Variants in PPARD observed in about 807,000 individuals in gnomAD.
PPARD encodes the protein peroxisome proliferator-activated receptor delta.
Under a neutral mutation model 39.5 loss-of-function variants are expected in PPARD, and 6 were observed. That is an observed-to-expected ratio of 0.15 (90% CI 0.08 to 0.30). The LOEUF (loss-of-function observed/expected upper bound fraction) is 0.30, where lower values mean the gene tolerates loss of function less well. Ranked by LOEUF, PPARD falls within the 10% of genes least tolerant of loss-of-function variation. The pLI is 1.00. For synonymous variants in PPARD, 210 were observed against 231.3 expected (o/e 0.91, Z 0.83); for missense variants, 397 against 596.8 (o/e 0.67, Z 3.49).
At chr6:35,410,421 T>G (rs958424152) in intron 2 of PPARD, among the ~76,000 whole-genome samples, 9 of 152,204 alleles carry the variant, frequency 5.9e-5, no homozygotes, top group African/African-American at 2.2e-4. Flanking sequence ...TTCTGATGTC[T>G]CTGCTATTGA....
chr6:35,373,585 T>C (rs748536073), intron 2 of PPARD, among the ~76,000 whole-genome samples: 1 of 152,176 alleles, frequency 6.6e-6, no homozygotes, highest in Non-Finnish European at 1.5e-5. Context: ...TGTTGGTACG[T>C]CTCTTGTGGG....
rs922660800 is a variant in PPARD, at chr6:35,401,044, C to T, written c.-101-9943C>T. Among the ~76,000 whole-genome samples the T allele has an allele frequency of 3.9e-5, 6 of 152,140 alleles. No individual in the cohort carries two copies. Among genetic ancestry groups the T allele is most frequent in the African/African-American group, 1.4e-4 (6 of 41,430 alleles). ...GATACCTGTGTTTGTATGTGTGTGTCATAGTCGGGAATCACTGAGACCAGG... is the reference window on the plus strand; with the variant it reads ...GATACCTGTGTTTGTATGTGTGTGTTATAGTCGGGAATCACTGAGACCAGG... On this transcript the variant is annotated intron_variant, in intron 2 of 7. Transcript: ENST00000360694. The surrounding 1 kb of genome is among the most constrained non-coding windows in gnomAD (Gnocchi z 4.1).
At chr6:35,370,912 T>C (rs979211734) in intron 2 of PPARD, among the ~76,000 whole-genome samples, 1 of 152,176 alleles carries the variant, frequency 6.6e-6, no homozygotes, top group Admixed American at 6.5e-5. Flanking sequence ...ATTCACCTTC[T>C]CCAGCAGCTG....
rs1023046306 is a variant in PPARD at position 35,359,164 on chromosome 6, T to C, written c.-102+12014T>C. On this transcript the variant is annotated intron_variant, in intron 2 of 7. Coordinates refer to ENST00000360694, the MANE Select transcript of PPARD (RefSeq NM_006238.5). The stretch of plus-strand genomic sequence containing the variant: ...TCAACGCATAGCGAGGAGGCCAGCG[T>C]GGCTGGACAGAGGGAGGGAGGAGAC... Among the ~76,000 whole-genome samples the C allele has an allele frequency of 3.9e-5, 6 of 152,314 alleles. No individual in the cohort carries two copies. The South Asian group carries it at 1.2e-3, about 32-fold the overall frequency.
At chr6:35,379,953 T>C (rs1049465747) in intron 2 of PPARD, among the ~76,000 whole-genome samples, 1 of 152,264 alleles carries the variant, frequency 6.6e-6, no homozygotes, top group African/African-American at 2.4e-5. Context: ...CAGTTGCTGC[T>C]TTTGAGGTAT....
chr6:35,389,430 G>A (rs1684219615), intron 2 of PPARD, among the ~76,000 whole-genome samples: 1 of 152,124 alleles, frequency 6.6e-6, no homozygotes, highest in Non-Finnish European at 1.5e-5. Flanking sequence ...TCCTGCCTCA[G>A]CCTCTCGAGT....
At position 35,365,084 on chromosome 6, in the gene PPARD, A is replaced by G. The variant is rs369355762; in HGVS notation, c.-102+17934A>G. On this transcript the variant is annotated intron_variant, in intron 2 of 7. Coordinates refer to ENST00000360694, the MANE Select transcript of PPARD (RefSeq NM_006238.5). ...TGGTCTGCACCTTGCTTCACTTATT[A>G]TATCTTGGCCATCTTTGCATACCAG... Among the ~76,000 whole-genome samples the G allele has an allele frequency of 4.0e-4, 58 of 145,196 alleles. 1 individual carries two copies. Among genetic ancestry groups the G allele is most frequent in the African/African-American group, 1.4e-3 (56 of 38,730 alleles).
At chr6:35,350,908 T>A (rs11966486) in intron 2 of PPARD, among the ~76,000 whole-genome samples, 1,946 of 152,318 alleles carry the variant, frequency 0.013, 53 homozygotes, top group African/African-American at 0.044. Flanking sequence ...ATTACAGGCA[T>A]GAGCCACCGC....
chr6:35,347,353 T>G (rs1760925197), intron 2 of PPARD, among the ~76,000 whole-genome samples: 1 of 152,100 alleles, frequency 6.6e-6, no homozygotes, highest in Non-Finnish European at 1.5e-5. Context: ...CTTACATAGT[T>G]TTTTCAGGAG....
intron 2 of PPARD, among the ~76,000 whole-genome samples, chr6:35,391,804 G>A (rs554482441): frequency 6.6e-6 from 1 of 152,264 alleles, no homozygotes; most frequent in East Asian, 1.9e-4. Context: ...GAGACTGTAC[G>A]TATAAGGAAA....
At position 35,426,833 on chromosome 6, in the gene PPARD, G is replaced by A. The variant is rs9658172; in HGVS notation, c.*754G>A. 9.5e-3 allele frequency: 1,453 copies of A among 152,672 alleles called. 10 individuals carry two copies. The highest frequency in any genetic ancestry group is 0.014 in the Non-Finnish European group (923 of 68,280). The allele number at this position is 152,672 out of a possible 1,614,324, so 9.5% of individuals were successfully genotyped here. ...CACCTCAGCCCCACTGACACCCAGT[G>A]TCCTTCCATCTTCACACTGGTTTGC... On this transcript the variant is annotated 3_prime_UTR_variant, in exon 8 of 8. Transcript: ENST00000360694.
At chr6:35,391,852 A>G (rs766108900) in intron 2 of PPARD, among the ~76,000 whole-genome samples, 5 of 151,976 alleles carry the variant, frequency 3.3e-5, no homozygotes, top group African/African-American at 4.8e-5. Context: ...GCCCAAAGCT[A>G]CTCAGCTAGT....
intron 1 of PPARD, among the ~76,000 whole-genome samples, chr6:35,343,648 G>T (rs912900501): frequency 6.6e-6 from 1 of 152,236 alleles, no homozygotes. Flanking sequence ...TGTCCAATTT[G>T]TAGGCCATTC....
intron 2 of PPARD, among the ~76,000 whole-genome samples, chr6:35,410,077 G>A (rs533370982): frequency 1.3e-5 from 2 of 152,312 alleles, no homozygotes; most frequent in South Asian, 2.1e-4. Flanking sequence ...ACTAGAGGAC[G>A]AATGGGTTTG....
intron 1 of PPARD, among the ~76,000 whole-genome samples, chr6:35,344,964 A>G (rs899508182): frequency 1.3e-5 from 2 of 152,190 alleles, no homozygotes; most frequent in African/African-American, 2.4e-5. Flanking sequence ...TTAGTGGATC[A>G]TTCTAAAGAG....
intron 2 of PPARD, among the ~76,000 whole-genome samples, chr6:35,350,037 C>T (rs1429253625): frequency 6.6e-6 from 1 of 152,174 alleles, no homozygotes; most frequent in Non-Finnish European, 1.5e-5. Flanking sequence ...CTACCACACC[C>T]GGCCTTGTAT....
chr6:35,355,517 A>C (rs1391776532), intron 2 of PPARD, among the ~76,000 whole-genome samples: 1 of 127,650 alleles, frequency 7.8e-6, no homozygotes, highest in Non-Finnish European at 1.6e-5. Context: ...GTACCACTGT[A>C]CTCCAGCCTG....
Position 35,421,976 on chromosome 6 carries a change from C to T in PPARD, c.424+18C>T. ...ACACAACGGTGAGAGCTGACCAGGG[C>T]AACTCACGGGCTGCTGGCTCCACAC... On this transcript the variant is annotated intron_variant, in intron 5 of 7. Transcript: ENST00000360694. 6.3e-7 allele frequency: 1 copy of T among 1,589,396 alleles called. No homozygotes were observed. The highest frequency in any genetic ancestry group is 1.3e-5 in the African/African-American group (1 of 74,330).
chr6:35,394,222 G>A (rs1475116070), intron 2 of PPARD, among the ~76,000 whole-genome samples: 1 of 152,186 alleles, frequency 6.6e-6, no homozygotes, highest in African/African-American at 2.4e-5. Context: ...TGAGTGTGTC[G>A]CGGATGCGCA....
Sources: gnomAD v4.1 joint callset for allele counts (sites outside exome capture counted in the v4.1 genomes callset) on GRCh38, gnomAD v4.1.1 for gene constraint, Gnocchi (gnomAD v3.1) non-coding constraint, MANE v1.5 for transcripts, NCBI Gene and HGNC (gene_info 2026-07-23, HGNC 2026-07-21) for gene names.